PPP1R9A: variants seen among roughly 807,000 people sequenced by gnomAD.
PPP1R9A encodes the protein protein phosphatase 1 regulatory subunit 9A, also known as neurabin-1.
PPP1R9A carries 59 observed loss-of-function variants against 141.9 expected under a neutral mutation model. That is an observed-to-expected ratio of 0.42 (90% CI 0.34 to 0.52). PPP1R9A has a LOEUF of 0.52. Among genes scored for constraint, PPP1R9A ranks in the 20% least tolerant of loss-of-function variants. The pLI, the probability that PPP1R9A is intolerant of heterozygous loss-of-function variation, is 0.10. For synonymous variants in PPP1R9A, 500 were observed against 569.7 expected, an observed-to-expected ratio of 0.88 and a Z score of 1.74; for missense variants, 1,444 against 1,611.9, an observed-to-expected ratio of 0.90 and a Z score of 1.78.
At chr7:95,084,081 T>A (rs1816288895) in intron 2 of PPP1R9A, among the ~76,000 whole-genome samples, 1 of 152,068 alleles carries the variant, frequency 6.6e-6, no homozygotes, top group Non-Finnish European at 1.5e-5. Context: ...TCTTAAAAAA[T>A]TGTTCATACT....
chr7:95,258,199 G>A (rs1421457156), intron 12 of PPP1R9A, among the ~76,000 whole-genome samples: 2 of 152,020 alleles, frequency 1.3e-5, no homozygotes, highest in Admixed American at 6.5e-5. Context: ...ACTTTTTAAT[G>A]ATCACCATTC....
intron 5 of PPP1R9A, among the ~76,000 whole-genome samples, chr7:95,188,473 C>G (rs1249613016): frequency 1.3e-5 from 2 of 151,994 alleles, no homozygotes; most frequent in East Asian, 1.9e-4. Flanking sequence ...GCCTTTAGGT[C>G]ATTTACACTC....
Position 95,165,923 on chromosome 7 carries a change from G to A in PPP1R9A, c.1754+3952G>A, listed in dbSNP as rs142752436. 8.7e-4 allele frequency among the ~76,000 whole-genome samples: 133 copies of A among 152,250 alleles called. 2 individuals are homozygous for A. In the East Asian group the frequency reaches 0.022, roughly 26 times the overall value. The stretch of plus-strand genomic sequence containing the variant: ...ATCATTTTGGGAAGCTGAGGCAGGT[G>A]GATCATCTGAGGTCAGGAATTCGAG... On this transcript the variant is annotated intron_variant, in intron 5 of 19. Transcript: ENST00000433360.
At chr7:95,019,088 A>G (rs1321372175) in intron 2 of PPP1R9A, among the ~76,000 whole-genome samples, 1 of 152,214 alleles carries the variant, frequency 6.6e-6, no homozygotes, top group South Asian at 2.1e-4. Context: ...TGTAAAACTT[A>G]AAACCATACT....
chr7:95,049,135 C>T (rs1371025639), intron 2 of PPP1R9A, among the ~76,000 whole-genome samples: 1 of 152,116 alleles, frequency 6.6e-6, no homozygotes, highest in Non-Finnish European at 1.5e-5. Context: ...GCATCCCAAA[C>T]CCACACCATG....
intron 2 of PPP1R9A, among the ~76,000 whole-genome samples, chr7:95,044,963 TAA>T (rs1809793604): frequency 6.6e-6 from 1 of 151,876 alleles, no homozygotes; most frequent in Non-Finnish European, 1.5e-5. Flanking sequence ...TAAAGGGCAA[TAA>T]AAATGATGAA....
rs548383710 is a variant in PPP1R9A, at chr7:95,229,947, G to C, written c.2112+3831G>C. On this transcript the variant is annotated intron_variant, in intron 8 of 19. Coordinates refer to ENST00000433360, the MANE Select transcript of PPP1R9A (RefSeq NM_001166160.2). ...GCTACCTCCATCAAAGCAGGTGCTG[G>C]TATCCATGGCTACAAGACCTGAAGA... Among the ~76,000 whole-genome samples the C allele has an allele frequency of 4.6e-5, 7 of 152,216 alleles. No individual in the cohort carries two copies. In the South Asian group the frequency reaches 1.5e-3, roughly 32 times the overall value.
At chr7:94,961,790 G>T (rs1413618533) in intron 2 of PPP1R9A, among the ~76,000 whole-genome samples, 1 of 151,874 alleles carries the variant, frequency 6.6e-6, no homozygotes, top group Admixed American at 6.6e-5. Context: ...CGTGAATTAA[G>T]CACAAATCGT....
intron 5 of PPP1R9A, among the ~76,000 whole-genome samples, chr7:95,170,154 G>A (rs1033497888): frequency 6.6e-6 from 1 of 151,534 alleles, no homozygotes; most frequent in Non-Finnish European, 1.5e-5. Context: ...TTAATTTTAA[G>A]ACATACTACA....
chr7:95,173,037 T>C (rs1340062799), intron 5 of PPP1R9A, among the ~76,000 whole-genome samples: 1 of 151,832 alleles, frequency 6.6e-6, no homozygotes, highest in Non-Finnish European at 1.5e-5. Context: ...AAAAATGCCT[T>C]GACCTTCATC....
chr7:95,144,867 T>A (rs1363448677), intron 4 of PPP1R9A, among the ~76,000 whole-genome samples: 2 of 152,128 alleles, frequency 1.3e-5, no homozygotes, highest in African/African-American at 4.8e-5. Context: ...AACTAATAAA[T>A]AAATTCAGCA....
At chr7:95,282,152 A>G (rs1327680122) in intron 16 of PPP1R9A, among the ~76,000 whole-genome samples, 1 of 119,808 alleles carries the variant, frequency 8.3e-6, no homozygotes, top group African/African-American at 3.8e-5. Flanking sequence ...ATAGCATAAT[A>G]AACCCCTATC....
At position 95,161,915 on chromosome 7, in the gene PPP1R9A, G is replaced by A. The variant is rs760771980; in HGVS notation, c.1698G>A (p.Val566=). 6.2e-6 allele frequency: 10 copies of A among 1,611,224 alleles called. No homozygotes were observed. In the East Asian group the frequency reaches 2.0e-4, roughly 32 times the overall value. ...QIVEVDGISL[V]GVTQNFAATV... is the part of the protein sequence containing the mutation. ...TGGAAGTGGATGGAATCAGCTTGGT[G>A]GGTGTGACACAGAATTTTGCAGCAA... The change falls in exon 5 of 20, where the codon GTG becomes GTA. Residue 566 remains valine, a synonymous_variant. Coordinates refer to ENST00000433360, the MANE Select transcript of PPP1R9A (RefSeq NM_001166160.2).
Position 94,910,809 on chromosome 7 carries a change from G to C in PPP1R9A, c.696G>C (p.Gly232=). 6.2e-7 allele frequency: 1 copy of C among 1,613,868 alleles called. No homozygotes were observed. The highest frequency in any genetic ancestry group is 8.5e-7 in the Non-Finnish European group (1 of 1,179,982). The part of the protein sequence containing the change: ...KAENNEYSVT[G]HYPLNLPSVT... The stretch of plus-strand genomic sequence containing the variant: ...AAAACAATGAATACTCAGTGACTGG[G>C]CATTATCCCTTGAATTTACCATCTG... The change falls in exon 2 of 20, where the codon GGG becomes GGC. Residue 232 remains glycine (G), a synonymous_variant. Transcript: ENST00000433360. This position sits in a 1 kb window ranked among gnomAD's most constrained non-coding sequence, Gnocchi z 4.5.
At chr7:95,111,750 T>G (rs560352830) in intron 3 of PPP1R9A, among the ~76,000 whole-genome samples, 1 of 152,162 alleles carries the variant, frequency 6.6e-6, no homozygotes, top group South Asian at 2.1e-4. Context: ...TTTGTTTTGG[T>G]GGATAATTGG....
intron 2 of PPP1R9A, among the ~76,000 whole-genome samples, chr7:94,946,979 A>T (rs932141579): frequency 3.3e-5 from 5 of 152,154 alleles, no homozygotes; most frequent in African/African-American, 1.2e-4. Flanking sequence ...TGAATTTTGC[A>T]TTCTATTATT....
chr7:95,115,446 C>T (rs1255542179), intron 3 of PPP1R9A, among the ~76,000 whole-genome samples: 1 of 151,950 alleles, frequency 6.6e-6, no homozygotes, highest in Non-Finnish European at 1.5e-5. Context: ...ATGCATAAAG[C>T]CAGTGTTAAA....
chr7:95,131,326 G>A (rs1395433095), intron 4 of PPP1R9A, among the ~76,000 whole-genome samples: 9 of 152,196 alleles, frequency 5.9e-5, no homozygotes, highest in Middle Eastern at 6.8e-3. Context: ...TTCACCTTCC[G>A]CCATGATTGT....
chr7:95,049,820 G>T (rs1256031639), intron 2 of PPP1R9A, among the ~76,000 whole-genome samples: 1 of 152,080 alleles, frequency 6.6e-6, no homozygotes, highest in Non-Finnish European at 1.5e-5. Context: ...ATGCATCTCA[G>T]TTTCCTCCCT....
Sources: allele counts gnomAD v4.1 joint callset (sites outside exome capture counted in the v4.1 genomes callset), GRCh38; gene constraint gnomAD v4.1.1; non-coding constraint Gnocchi (gnomAD v3.1); transcripts MANE v1.5; gene names NCBI Gene and HGNC (gene_info 2026-07-23, HGNC 2026-07-21).